The following SLMAP variants were observed in gnomAD, a reference collection of about 807,000 sequenced individuals.
The protein encoded by SLMAP is sarcolemma associated protein.
SLMAP carries 44 observed loss-of-function variants against 128.8 expected under a neutral mutation model. That is an observed-to-expected ratio of 0.34 (90% CI 0.27 to 0.44). The LOEUF (loss-of-function observed/expected upper bound fraction) is 0.44, where lower values mean the gene tolerates loss of function less well. SLMAP is among the 20% of genes least tolerant of loss of function. The pLI, the probability that SLMAP is intolerant of heterozygous loss-of-function variation, is 1.00. For missense variants in SLMAP, 787 were observed against 985.3 expected (o/e 0.80, Z 2.69); for synonymous variants, 327 against 348.8 (o/e 0.94, Z 0.70).
chr3:57,760,350 G>C (rs2078373463), intron 2 of SLMAP, among the ~76,000 whole-genome samples: 1 of 152,186 alleles, frequency 6.6e-6, no homozygotes, highest in Non-Finnish European at 1.5e-5. Context: ...CGCAGGCTAT[G>C]AGACCACTAC....
chr3:57,917,241 T>C (rs1283841958), intron 22 of SLMAP, 164 bp downstream of exon 22: 2 of 1,489,310 alleles, frequency 1.3e-6, no homozygotes, highest in African/African-American at 2.8e-5. Context: ...CTGCATATCA[T>C]GGTCCATATG....
At chr3:57,873,789 A>G (rs1285367081) in intron 14 of SLMAP, among the ~76,000 whole-genome samples, 2 of 152,172 alleles carry the variant, frequency 1.3e-5, no homozygotes, top group Non-Finnish European at 2.9e-5. Flanking sequence ...AGCTTGGGCA[A>G]CATAGTGAGA....
intron 21 of SLMAP, among the ~76,000 whole-genome samples, chr3:57,914,954 C>T (rs1252132731): frequency 1.3e-5 from 2 of 150,036 alleles, no homozygotes; most frequent in Admixed American, 6.7e-5. Flanking sequence ...GGCATGATCT[C>T]GGCTCACTGC....
chr3:57,898,922 T>G (rs967085613), intron 17 of SLMAP: 1 of 152,204 alleles, frequency 6.6e-6, no homozygotes, highest in Non-Finnish European at 1.5e-5. Flanking sequence ...TTGTGAAGAT[T>G]GAATGAAAGG....
Position 57,865,298 on chromosome 3 carries a change from G to T in SLMAP, c.1237+6G>T. On this transcript the variant is annotated splice_donor_region_variant and intron_variant, in intron 13 of 24. Transcript: ENST00000671191. ...AAATGGGAGCACAGAAAAAGGTAGTGTAAAAAACTTAAATATATATATACT... is the reference window on the plus strand; with the variant it reads ...AAATGGGAGCACAGAAAAAGGTAGTTTAAAAAACTTAAATATATATATACT... 7.7e-7 allele frequency: 1 copy of T among 1,299,570 alleles called. No individual in the cohort carries two copies. The highest frequency in any genetic ancestry group is 1.3e-5 in the South Asian group (1 of 75,514). The allele number at this position is 1,299,570 out of a possible 1,614,324, so 80.5% of individuals were successfully genotyped here.
At chr3:57,842,070 C>T (rs1161288197) in intron 4 of SLMAP, among the ~76,000 whole-genome samples, 3 of 151,688 alleles carry the variant, frequency 2.0e-5, no homozygotes, top group Non-Finnish European at 4.4e-5. Context: ...GTTTTTATAC[C>T]CAACATAATA....
chr3:57,820,225 A>G (rs1272201291), intron 2 of SLMAP, among the ~76,000 whole-genome samples: 3 of 152,318 alleles, frequency 2.0e-5, no homozygotes, highest in Non-Finnish European at 4.4e-5. Flanking sequence ...GCTAAAATAC[A>G]TGACATTTGG....
intron 6 of SLMAP, among the ~76,000 whole-genome samples, chr3:57,855,615 G>C (rs931070584): frequency 6.8e-6 from 1 of 146,926 alleles, no homozygotes; most frequent in African/African-American, 2.5e-5. Context: ...GGTGGCTCAT[G>C]CCTGAAATCC....
At chr3:57,880,725 A>G (rs1383876335) in intron 14 of SLMAP, among the ~76,000 whole-genome samples, 1 of 152,004 alleles carries the variant, frequency 6.6e-6, no homozygotes, top group African/African-American at 2.4e-5. Context: ...AAAAATAAAA[A>G]TAAAAATAAA....
rs185244947 is a variant in SLMAP at position 57,874,592 on chromosome 3, G to T, written c.1300+2894G>T. 4.0e-3 allele frequency among the ~76,000 whole-genome samples: 613 copies of T among 151,912 alleles called. 6 individuals carry two copies. The highest frequency in any genetic ancestry group is 0.014 in the African/African-American group (596 of 41,498). ...GAAAAAAAAAAAAGCCAGTGAGGTG[G>T]CTCACGCCTGTAATCCCAACACTTT... On this transcript the variant is annotated intron_variant, in intron 14 of 24. Coordinates refer to ENST00000671191, the MANE Select transcript of SLMAP (RefSeq NM_001377540.1).
chr3:57,874,066 C>T (rs376984618), intron 14 of SLMAP, among the ~76,000 whole-genome samples: 46 of 151,952 alleles, frequency 3.0e-4, no homozygotes, highest in African/African-American at 1.1e-3. Context: ...GAGGTTGCAG[C>T]GAGCCAAGAT....
intron 6 of SLMAP, among the ~76,000 whole-genome samples, chr3:57,854,025 A>T (rs28397994): frequency 2.7e-4 from 31 of 114,274 alleles, no homozygotes; most frequent in Admixed American, 7.0e-4. Context: ...TATTATATAT[A>T]ATATATAATG....
At chr3:57,812,883 A>C (rs1218037184) in intron 2 of SLMAP, among the ~76,000 whole-genome samples, 1 of 152,026 alleles carries the variant, frequency 6.6e-6, no homozygotes, top group Non-Finnish European at 1.5e-5. Context: ...GATGCTACTG[A>C]AAATGAGATT....
chr3:57,868,771 T>C (rs2095375433), intron 13 of SLMAP, among the ~76,000 whole-genome samples: 1 of 137,188 alleles, frequency 7.3e-6, no homozygotes, highest in African/African-American at 2.7e-5. Context: ...TAGTCAGGGT[T>C]CTCTAGAGGG....
chr3:57,892,725 G>A (rs920237773), intron 15 of SLMAP, among the ~76,000 whole-genome samples: 2 of 151,606 alleles, frequency 1.3e-5, no homozygotes, highest in African/African-American at 2.4e-5. Context: ...TAAGAGGATC[G>A]CTTGAGCCCA....
At chr3:57,921,239 C>G (rs373911950) in intron 22 of SLMAP, among the ~76,000 whole-genome samples, 4 of 152,112 alleles carry the variant, frequency 2.6e-5, no homozygotes, top group African/African-American at 9.7e-5. Flanking sequence ...GGCAGATGGT[C>G]TTTAAAAAGA....
chr3:57,840,376 A>G (rs887305944), intron 3 of SLMAP, among the ~76,000 whole-genome samples: 1 of 152,246 alleles, frequency 6.6e-6, no homozygotes, highest in Non-Finnish European at 1.5e-5. Context: ...CCACTCCCCT[A>G]ATCATGATGT....
intron 23 of SLMAP, among the ~76,000 whole-genome samples, chr3:57,925,280 C>T (rs1478445060): frequency 6.6e-6 from 1 of 151,106 alleles, no homozygotes; most frequent in Non-Finnish European, 1.5e-5. Flanking sequence ...TGCTATATTT[C>T]ATTAGAATGT....
chr3:57,784,286 G>A (rs1298241175), intron 2 of SLMAP, among the ~76,000 whole-genome samples: 3 of 152,152 alleles, frequency 2.0e-5, no homozygotes, highest in African/African-American at 7.2e-5. Context: ...CTGAGTCTAG[G>A]AAAGCTATAG....
Sources: allele counts gnomAD v4.1 joint callset (sites outside exome capture counted in the v4.1 genomes callset), GRCh38; gene constraint gnomAD v4.1.1; transcripts MANE v1.5; gene names NCBI Gene and HGNC (gene_info 2026-07-23, HGNC 2026-07-21).